Variants in KCNJ6 observed in about 807,000 individuals in gnomAD.
KCNJ6 encodes G protein-activated inward rectifier potassium channel 2.
Under a neutral mutation model 34.2 loss-of-function variants are expected in KCNJ6, and 9 were observed. The ratio of observed to expected loss-of-function variants is 0.26; its 90% CI spans 0.16 to 0.46. The LOEUF (loss-of-function observed/expected upper bound fraction) is 0.46. Ranked by LOEUF, KCNJ6 falls within the 20% of genes least tolerant of loss-of-function variation. The pLI is 1.00. For synonymous variants in KCNJ6, 196 were observed against 207.1 expected, an observed-to-expected ratio of 0.95 and a Z score of 0.46; for missense variants, 236 against 531.3, an observed-to-expected ratio of 0.44 and a Z score of 5.46.
chr21:37,791,403 G>A (rs1256327548), intron 2 of KCNJ6, among the ~76,000 whole-genome samples: 5 of 152,204 alleles, frequency 3.3e-5, no homozygotes, highest in African/African-American at 1.2e-4. Context: ...GTCCATGCAG[G>A]GGTGACCTGC....
At chr21:37,657,319 G>A (rs1353811759) in intron 3 of KCNJ6, among the ~76,000 whole-genome samples, 1 of 152,196 alleles carries the variant, frequency 6.6e-6, no homozygotes, top group East Asian at 1.9e-4. Flanking sequence ...CTCACTGGAT[G>A]AGACAGGAGA....
At chr21:37,755,540 T>C (rs1049747224) in intron 2 of KCNJ6, among the ~76,000 whole-genome samples, 2 of 152,108 alleles carry the variant, frequency 1.3e-5, no homozygotes, top group East Asian at 3.9e-4. Flanking sequence ...GGCAGACTAG[T>C]TGAGGGAAAC....
In KCNJ6 at chr21:37,616,590, C is replaced by CATATATATATATATATAT; in HGVS notation, c.*8551_*8568dup. The CATATATATATATATATAT allele has an allele frequency of 3.4e-3, 306 of 90,852 alleles. 17 individuals carry two copies. The highest frequency in any genetic ancestry group is 5.9e-3 in the Middle Eastern group (1 of 170). The allele number at this position is 90,852 out of a possible 1,614,324, so 5.6% of individuals were successfully genotyped here. ...AATTATGAAGCAGGAACAAAATGTACATATATATATATATATATATATATA... is the reference window on the plus strand; with the variant it reads ...AATTATGAAGCAGGAACAAAATGTACATATATATATATATATATATATATATATATATATATATATATA... On this transcript the variant is annotated 3_prime_UTR_variant, in exon 4 of 4. Coordinates refer to ENST00000609713, the MANE Select transcript of KCNJ6 (RefSeq NM_002240.5).
At chr21:37,756,063 G>A (rs944509855) in intron 2 of KCNJ6, among the ~76,000 whole-genome samples, 10 of 152,284 alleles carry the variant, frequency 6.6e-5, no homozygotes, top group African/African-American at 2.2e-4. Flanking sequence ...ATGGATGGAC[G>A]CTGACACAGC....
At chr21:37,915,196 T>C (rs896771345) in intron 1 of KCNJ6, among the ~76,000 whole-genome samples, 2 of 152,132 alleles carry the variant, frequency 1.3e-5, no homozygotes, top group African/African-American at 2.4e-5. Context: ...GGGAAGCAAA[T>C]ATCCACAGCC....
intron 3 of KCNJ6, among the ~76,000 whole-genome samples, chr21:37,690,384 A>G (rs1467120947): frequency 6.6e-6 from 1 of 152,174 alleles, no homozygotes; most frequent in African/African-American, 2.4e-5. Flanking sequence ...GCCTACCATA[A>G]GACTTGCAAT....
intron 1 of KCNJ6, among the ~76,000 whole-genome samples, chr21:37,904,209 G>T (rs958008538): frequency 1.3e-5 from 2 of 152,172 alleles, no homozygotes; most frequent in African/African-American, 4.8e-5. Flanking sequence ...TATAACCCAA[G>T]GATTTTCAGG....
At chr21:37,756,295 T>A (rs2123488332) in intron 2 of KCNJ6, among the ~76,000 whole-genome samples, 1 of 152,278 alleles carries the variant, frequency 6.6e-6, no homozygotes, top group Non-Finnish European at 1.5e-5. Context: ...CAGAAACAAA[T>A]GCCTGGATAT....
rs144698876 is a variant in KCNJ6, at chr21:37,853,846, G to GTATA, written c.-27-13141_-27-13138dup. 6.6e-3 allele frequency among the ~76,000 whole-genome samples: 760 copies of GTATA among 115,936 alleles called. 22 individuals carry two copies. Among genetic ancestry groups the GTATA allele is most frequent in the East Asian group, 0.049 (164 of 3,342 alleles). The allele number at this position is 115,936 out of a possible 152,430, so 76.1% of individuals were successfully genotyped here. A position where few individuals can be genotyped will look rare whatever the true frequency, so the allele number is the denominator to read the frequency against. On this transcript the variant is annotated intron_variant, in intron 1 of 3. Transcript: ENST00000609713. ...GTAGTTAAGAGATACATATATATAT[G>GTATA]TATATATATATATATAAATTACATT...
chr21:37,700,185 T>G (rs940889075), intron 3 of KCNJ6, among the ~76,000 whole-genome samples: 1 of 152,142 alleles, frequency 6.6e-6, no homozygotes, highest in Non-Finnish European at 1.5e-5. Context: ...TGAAACATCA[T>G]GGAGATTTGC....
At chr21:37,749,094 G>A (rs192291422) in intron 2 of KCNJ6, among the ~76,000 whole-genome samples, 9 of 152,242 alleles carry the variant, frequency 5.9e-5, no homozygotes, top group Non-Finnish European at 1.3e-4. Context: ...ACTTTTTGAT[G>A]GGAGACACTA....
chr21:37,915,581 A>C (rs541715343), intron 1 of KCNJ6, among the ~76,000 whole-genome samples: 3 of 152,356 alleles, frequency 2.0e-5, no homozygotes, highest in South Asian at 4.1e-4. Flanking sequence ...CGGATGTTGA[A>C]ATGATGTCTG....
chr21:37,635,305 G>A lies in KCNJ6; in HGVS notation c.947-9821C>T, dbSNP rs1379550491. On this transcript the variant is annotated intron_variant, in intron 3 of 3. Coordinates refer to ENST00000609713, the MANE Select transcript of KCNJ6 (RefSeq NM_002240.5). ...GTGATCTGGGCTTACTGCAACCTCC[G>A]CCTCCCAGGTTCAAGAGATCCTTCC... Among the ~76,000 whole-genome samples, 9 of 149,932 alleles carry A rather than the reference G, an allele frequency of 6.0e-5. No homozygotes were observed. The Middle Eastern group carries it at 0.011, about 181-fold the overall frequency.
At chr21:37,715,247 A>G in intron 2 of KCNJ6, 116 bp from the exon 3 acceptor site, 1 of 900,490 alleles carries the variant, frequency 1.1e-6, no homozygotes, top group Non-Finnish European at 1.7e-6. Context: ...TGTAGCTATA[A>G]ACAAAGTAGA....
chr21:37,670,030 G>C (rs936431179), intron 3 of KCNJ6, among the ~76,000 whole-genome samples: 1 of 151,996 alleles, frequency 6.6e-6, no homozygotes, highest in Non-Finnish European at 1.5e-5. Context: ...TGCATTTTGA[G>C]TTTATTTTTG....
intron 2 of KCNJ6, among the ~76,000 whole-genome samples, chr21:37,761,359 AGTG>A (rs1457046578): frequency 7.0e-6 from 1 of 143,416 alleles, no homozygotes; most frequent in East Asian, 2.1e-4. Context: ...TGTTGTATGT[AGTG>A]TGTGTGTATA....
intron 1 of KCNJ6, among the ~76,000 whole-genome samples, chr21:37,848,877 T>C (rs1350987136): frequency 1.3e-5 from 2 of 152,188 alleles, no homozygotes; most frequent in Non-Finnish European, 2.9e-5. Flanking sequence ...TGGCTTGAAA[T>C]ACTGTGGGAC....
Position 37,675,534 on chromosome 21 carries a change from C to G in KCNJ6, c.946+38677G>C, listed in dbSNP as rs896132014. Reference sequence around the variant, plus strand: ...CGCCTCTGCCCCTCGGTCCCCAGCACCCCTGGGAGGAGCTGCTGCGATGAC... The same window carrying G: ...CGCCTCTGCCCCTCGGTCCCCAGCAGCCCTGGGAGGAGCTGCTGCGATGAC... On this transcript the variant is annotated intron_variant, in intron 3 of 3. Coordinates refer to ENST00000609713, the MANE Select transcript of KCNJ6 (RefSeq NM_002240.5). The surrounding 1 kb of genome is among the most constrained non-coding windows in gnomAD (Gnocchi z 4.2). Among the ~76,000 whole-genome samples the G allele has an allele frequency of 6.6e-6, 1 of 152,256 alleles. No individual in the cohort carries two copies. The highest frequency in any genetic ancestry group is 2.4e-5 in the African/African-American group (1 of 41,474).
rs536612617 is a variant in KCNJ6, at chr21:37,759,735, G to A, written c.26-44604C>T. Among the ~76,000 whole-genome samples, 4 of 152,316 alleles carry A rather than the reference G, an allele frequency of 2.6e-5. No homozygotes were observed. In the South Asian group the frequency reaches 6.2e-4, roughly 24 times the overall value. On this transcript the variant is annotated intron_variant, in intron 2 of 3. Transcript: ENST00000609713. ...GTGTTCACCTGTCCAACCACACTGCGATGGTTTTAAAATATGTTCTTAATT... is the reference window on the plus strand; with the variant it reads ...GTGTTCACCTGTCCAACCACACTGCAATGGTTTTAAAATATGTTCTTAATT...
Sources: allele counts gnomAD v4.1 joint callset (sites outside exome capture counted in the v4.1 genomes callset), GRCh38; gene constraint gnomAD v4.1.1; non-coding constraint Gnocchi (gnomAD v3.1); transcripts MANE v1.5; gene names NCBI Gene and HGNC (gene_info 2026-07-23, HGNC 2026-07-21).